Variants in MAP4 observed in about 807,000 individuals in gnomAD.
MAP4 encodes the protein microtubule-associated protein 4.
MAP4 carries 76 observed loss-of-function variants against 170.2 expected under a neutral mutation model. The observed-to-expected ratio is 0.45, with a 90% CI of 0.37 to 0.54. MAP4 has a LOEUF of 0.54. MAP4 is among the 20% of genes least tolerant of loss of function. MAP4 has a pLI of 0.00. For missense variants in MAP4, 2,506 were observed against 2,748.0 expected (o/e 0.91, Z 1.97); for synonymous variants, 909 against 994.5 (o/e 0.91, Z 1.62).
At chr3:47,929,513 AT>A (rs1222189615) in intron 3 of MAP4, among the ~76,000 whole-genome samples, 2 of 151,508 alleles carry the variant, frequency 1.3e-5, no homozygotes, top group Non-Finnish European at 1.5e-5. Flanking sequence ...CCAGAAACAA[AT>A]TTTTTTTCAA....
chr3:47,975,008 C>T, intron 3 of MAP4: 12 of 991,200 alleles, frequency 1.2e-5, no homozygotes, highest in Non-Finnish European at 1.4e-5. Flanking sequence ...GGCCTCAACC[C>T]CTTTATGAAA....
Position 47,875,716 on chromosome 3 carries a change from G to C in MAP4, c.5726C>G (p.Ser1909Cys), listed in dbSNP as rs1159248885. 6 of 1,613,474 alleles carry C rather than the reference G, an allele frequency of 3.7e-6. No individual in the cohort carries two copies. The highest frequency in any genetic ancestry group is 5.1e-6 in the Non-Finnish European group (6 of 1,179,990). Residue 1909 changes from serine to cysteine, a missense_variant, in exon 12 of 21, where the codon TCC becomes TGC. Physicochemically the swap from Ser to Cys is moderately radical, Grantham distance 112 (BLOSUM62 -1). Around this residue, in one of 3 missense-constraint regions of MAP4, gnomAD observed 487 missense variants for 511.6 expected, o/e 0.95. Coordinates refer to ENST00000683076, the MANE Select transcript of MAP4 (RefSeq NM_001385682.1). ...CTTCACGTCTTTTGAAGGTAAGATG[G>C]AAGGCCTGGCAGAGGCGACGGCAGG... ...KRPAVASARP[S>C]ILPSKDVKPK...
chr3:47,974,776 AAT>A, intron 3 of MAP4: 1 of 969,340 alleles, frequency 1.0e-6, no homozygotes, highest in Non-Finnish European at 1.2e-6. Context: ...AAAAAAAAAA[AAT>A]TTGGCCCAAC....
At chr3:48,048,821 T>G (rs1448952727) in intron 1 of MAP4, among the ~76,000 whole-genome samples, 2 of 152,070 alleles carry the variant, frequency 1.3e-5, no homozygotes, top group Non-Finnish European at 2.9e-5. Flanking sequence ...CCTGCATTTG[T>G]GTGTGTATTT....
chr3:47,992,607 T>C (rs1053135954), intron 2 of MAP4, among the ~76,000 whole-genome samples: 1 of 152,194 alleles, frequency 6.6e-6, no homozygotes, highest in Middle Eastern at 3.4e-3. Flanking sequence ...TTATAAACTT[T>C]AAACATGGTA....
chr3:47,928,076 T>G (rs1391556261), intron 4 of MAP4, 152 bp downstream of exon 4: 1 of 846,902 alleles, frequency 1.2e-6, no homozygotes, highest in Non-Finnish European at 1.8e-6. Context: ...AAGGAAAGGA[T>G]AAATGAAGAA....
intron 19 of MAP4, among the ~76,000 whole-genome samples, chr3:47,854,580 TAGGAC>T (rs940040383): frequency 5.9e-5 from 9 of 152,138 alleles, no homozygotes; most frequent in African/African-American, 2.2e-4. Flanking sequence ...ACATGGAACA[TAGGAC>T]AGACAGCATC....
Position 47,911,303 on chromosome 3 carries a change from C to A in MAP4, c.3118G>T (p.Val1040Leu). 3 of 1,536,160 alleles carry A rather than the reference C, an allele frequency of 2.0e-6. No homozygotes were observed. The highest frequency in any genetic ancestry group is 2.6e-6 in the Non-Finnish European group (3 of 1,146,916). The change falls in exon 9 of 21, where the codon GTG becomes TTG. Residue 1040 changes from valine (V) to leucine (L), a missense_variant. Around this residue, in one of 3 missense-constraint regions of MAP4, gnomAD observed 2,008 missense variants for 2,206.0 expected, o/e 0.91. Transcript: ENST00000683076. The surrounding 1 kb of genome is among the most constrained non-coding windows in gnomAD (Gnocchi z 4.0). ...TCTACCCCAGGGACCTGTACCAACA[C>A]TTGGCCCTGCAGCTGCTCAGAAGTA... is the stretch of plus-strand genomic sequence containing the variant. ...IFTSEQLQGQ[V>L]LVQVPGVENE...
At chr3:47,887,549 G>A (rs1011260975) in intron 10 of MAP4, among the ~76,000 whole-genome samples, 7 of 152,156 alleles carry the variant, frequency 4.6e-5, no homozygotes, top group Admixed American at 3.3e-4. Flanking sequence ...CCTGCTCCAC[G>A]GCGCCCAGTC....
intron 3 of MAP4, among the ~76,000 whole-genome samples, chr3:47,970,673 T>C (rs2100078127): frequency 6.6e-6 from 1 of 151,934 alleles, no homozygotes; most frequent in South Asian, 2.1e-4. Flanking sequence ...TAGCTGGGCA[T>C]GGTGGCGGGC....
At chr3:47,954,772 G>C (rs184242205) in intron 3 of MAP4, among the ~76,000 whole-genome samples, 1 of 152,190 alleles carries the variant, frequency 6.6e-6, no homozygotes. Flanking sequence ...TAGATGAAAT[G>C]CTTAGCTCAA....
intron 3 of MAP4, chr3:47,974,721 A>G (rs1302380142): frequency 2.5e-5 from 25 of 982,478 alleles, no homozygotes; most frequent in Non-Finnish European, 3.0e-5. Flanking sequence ...TGGGAATAAG[A>G]AAGTCCTGTT....
At chr3:47,971,991 T>C (rs1051223251) in intron 3 of MAP4, among the ~76,000 whole-genome samples, 2 of 152,268 alleles carry the variant, frequency 1.3e-5, no homozygotes, top group Non-Finnish European at 2.9e-5. Flanking sequence ...GGTCAATTAT[T>C]CCTTATAGTA....
At chr3:48,067,627 G>T (rs2100138950) in intron 1 of MAP4, among the ~76,000 whole-genome samples, 1 of 128,672 alleles carries the variant, frequency 7.8e-6, no homozygotes, top group Admixed American at 8.4e-5. Flanking sequence ...GTTAACAAGA[G>T]AAACCTTTTT....
rs1359714090 is a variant in MAP4 at position 47,909,975 on chromosome 3, G to A, written c.4446C>T (p.Tyr1482=). 5 of 1,613,898 alleles carry A rather than the reference G, an allele frequency of 3.1e-6. No homozygotes were observed. The highest frequency in any genetic ancestry group is 1.3e-5 in the African/African-American group (1 of 74,924). Reference sequence around the variant, plus strand: ...CTTGACCTGGGACTCCATCTTTGGTGTAGTTATCTACCATTAATGATTTGG... The same window carrying A: ...CTTGACCTGGGACTCCATCTTTGGTATAGTTATCTACCATTAATGATTTGG... The part of the protein sequence containing the change: ...QISKSLMVDN[Y]TKDGVPGQER... The change falls in exon 9 of 21, where the codon TAC becomes TAT. Residue 1482 remains tyrosine (Y), a synonymous_variant. Coordinates refer to ENST00000683076, the MANE Select transcript of MAP4 (RefSeq NM_001385682.1).
chr3:47,888,492 C>T (rs2098028987), intron 10 of MAP4, among the ~76,000 whole-genome samples: 1 of 152,094 alleles, frequency 6.6e-6, no homozygotes, highest in Non-Finnish European at 1.5e-5. Context: ...AGAGCTGTAA[C>T]ACTCACTGCC....
rs34691079 is a variant in MAP4, at chr3:48,068,264, C to CAAA, written c.-20+20506_-20+20508dup. ...TGGGTAACAGAGCAAGATTCTGTCT[C>CAAA]AAAAAAAAAAAAAAAAAAAGGAATA... is the stretch of plus-strand genomic sequence containing the variant. On this transcript the variant is annotated intron_variant, in intron 1 of 18. Coordinates refer to the MAP4 transcript ENST00000360240. Among the ~76,000 whole-genome samples, 36 of 106,582 alleles carry CAAA rather than the reference C, an allele frequency of 3.4e-4. 1 individual carries two copies. The highest frequency in any genetic ancestry group is 5.4e-4 in the East Asian group (2 of 3,714). 69.9% of individuals were successfully genotyped at this position (106,582 alleles called of 152,430 possible).
chr3:48,008,105 G>A (rs1032655243), intron 1 of MAP4, among the ~76,000 whole-genome samples: 5 of 152,192 alleles, frequency 3.3e-5, no homozygotes, highest in African/African-American at 9.7e-5. Flanking sequence ...ACAGTGGATT[G>A]TGCACAGCAG....
At chr3:48,035,630 T>C (rs1026013906) in intron 1 of MAP4, among the ~76,000 whole-genome samples, 2 of 151,256 alleles carry the variant, frequency 1.3e-5, no homozygotes, top group South Asian at 2.1e-4. Context: ...CCTGTCTCAA[T>C]AGACTAAAAA....
Sources: gnomAD v4.1 joint callset for allele counts (sites outside exome capture counted in the v4.1 genomes callset) on GRCh38, gnomAD v4.1.1 for gene constraint, gnomAD v4.1.1 regional missense constraint, Gnocchi (gnomAD v3.1) non-coding constraint, MANE v1.5 for transcripts, NCBI Gene and HGNC (gene_info 2026-07-23, HGNC 2026-07-21) for gene names.